The following FOXP1 variants were observed in gnomAD, a reference collection of about 807,000 sequenced individuals.
FOXP1 encodes the protein forkhead box P1, also known as forkhead box protein P1.
FOXP1 carries 15 observed loss-of-function variants against 98.2 expected under a neutral mutation model. That is an observed-to-expected ratio of 0.15 (90% CI 0.10 to 0.24). FOXP1 has a LOEUF of 0.24. FOXP1 is among the 10% of genes least tolerant of loss of function. FOXP1 has a pLI of 1.00. For synonymous variants in FOXP1, 371 were observed against 314.5 expected, an observed-to-expected ratio of 1.18 and a Z score of -1.90; for missense variants, 633 against 848.5, an observed-to-expected ratio of 0.75 and a Z score of 3.15.
chr3:70,973,232 C>CCTCCCG (rs1553663706), intron 17 of FOXP1, among the ~76,000 whole-genome samples: 1 of 143,244 alleles, frequency 7.0e-6, no homozygotes, highest in African/African-American at 2.7e-5. Flanking sequence ...GGTGAACGGA[C>CCTCCCG]CCCCCGCCCC....
At chr3:71,216,943 C>A (rs1020299668) in intron 5 of FOXP1, among the ~76,000 whole-genome samples, 8 of 152,088 alleles carry the variant, frequency 5.3e-5, no homozygotes, top group Non-Finnish European at 7.4e-5. Context: ...GGGATGCTGT[C>A]GGACATCCTA....
intron 7 of FOXP1, among the ~76,000 whole-genome samples, chr3:71,056,706 A>G (rs886618318): frequency 2.6e-5 from 4 of 152,220 alleles, no homozygotes; most frequent in African/African-American, 9.6e-5. Context: ...CAAATGTTAT[A>G]AAACCAAGAT....
intron 3 of FOXP1, among the ~76,000 whole-genome samples, chr3:71,437,920 C>T (rs1323115891): frequency 6.6e-5 from 10 of 152,050 alleles, no homozygotes; most frequent in South Asian, 4.1e-4. Context: ...GCTGTGTACA[C>T]GAAATTGAGT....
At chr3:70,972,056 G>C in intron 18 of FOXP1, 10 of 1,507,218 alleles carry the variant, frequency 6.6e-6, no homozygotes, top group Non-Finnish European at 8.8e-6. Context: ...GTATTTGCGA[G>C]GACGGCCTCG....
At chr3:71,523,386 T>C (rs1157813791) in intron 2 of FOXP1, among the ~76,000 whole-genome samples, 7 of 152,204 alleles carry the variant, frequency 4.6e-5, no homozygotes, top group African/African-American at 1.7e-4. Context: ...TCAGTGGGGA[T>C]GGGCCCCACT....
intron 7 of FOXP1, among the ~76,000 whole-genome samples, chr3:71,075,236 T>A (rs1239439108): frequency 6.6e-6 from 1 of 152,218 alleles, no homozygotes; most frequent in Non-Finnish European, 1.5e-5. Context: ...TTTCCTCATC[T>A]ATAAAAAAGA....
intron 3 of FOXP1, among the ~76,000 whole-genome samples, chr3:71,446,636 A>T (rs551159636): frequency 6.6e-6 from 1 of 152,368 alleles, no homozygotes; most frequent in South Asian, 2.1e-4. Flanking sequence ...GGTTCCTATG[A>T]AGTCATGTTC....
intron 2 of FOXP1, among the ~76,000 whole-genome samples, chr3:71,574,632 G>A (rs1559548568): frequency 1.3e-5 from 2 of 152,170 alleles, no homozygotes; most frequent in South Asian, 4.2e-4. Flanking sequence ...TGCCAGCAGG[G>A]TTAATCCAAA....
intron 6 of FOXP1, among the ~76,000 whole-genome samples, chr3:71,139,361 A>C (rs2059961244): frequency 6.6e-6 from 1 of 152,224 alleles, no homozygotes; most frequent in Non-Finnish European, 1.5e-5. Context: ...ATGAGAAGAT[A>C]GGAATGCAGC....
At chr3:71,262,789 T>G (rs2069284919) in intron 5 of FOXP1, among the ~76,000 whole-genome samples, 1 of 152,186 alleles carries the variant, frequency 6.6e-6, no homozygotes, top group Non-Finnish European at 1.5e-5. Flanking sequence ...ACTTGGGTGG[T>G]TACCCTAGTA....
At chr3:71,177,781 A>G (rs2108260875) in intron 6 of FOXP1, among the ~76,000 whole-genome samples, 1 of 146,722 alleles carries the variant, frequency 6.8e-6, no homozygotes, top group South Asian at 2.1e-4. Context: ...TGCTATTATT[A>G]TTACTTCTAC....
At chr3:71,190,638 C>CAAAAAAA (rs55747148) in intron 6 of FOXP1, among the ~76,000 whole-genome samples, 71 of 43,134 alleles carry the variant, frequency 1.6e-3, no homozygotes, top group African/African-American at 2.5e-3. Context: ...ACCCCATCTC[C>CAAAAAAA]AAAAAAAAAA....
chr3:71,248,813 T>G, intron 5 of FOXP1, among the ~76,000 whole-genome samples: 1 of 151,916 alleles, frequency 6.6e-6, no homozygotes. Flanking sequence ...CTCCTCATAG[T>G]TATGGTTCAG....
At chr3:71,153,309 G>A (rs1195199329) in intron 6 of FOXP1, among the ~76,000 whole-genome samples, 1 of 152,136 alleles carries the variant, frequency 6.6e-6, no homozygotes, top group Non-Finnish European at 1.5e-5. Flanking sequence ...TTACTAGAAT[G>A]CTGTCGCTGC....
rs546978800 is a variant in FOXP1 at position 71,265,695 on chromosome 3, G to A, written c.-12+34125C>T. Among the ~76,000 whole-genome samples the A allele has an allele frequency of 3.8e-4, 58 of 152,300 alleles. No individual in the cohort carries two copies. In the South Asian group the frequency reaches 4.6e-3, roughly 12 times the overall value. On this transcript the variant is annotated intron_variant, in intron 5 of 20. Transcript: ENST00000649528. ...GCTCTTGCCCTAGTAATGTACACAT[G>A]TTCACGGTGCAGTGATAATTTACAG...
intron 7 of FOXP1, 138 bp from the exon 8 acceptor site, chr3:71,053,911 T>C (rs924623185): frequency 2.3e-6 from 2 of 865,610 alleles, no homozygotes; most frequent in Non-Finnish European, 3.8e-6. Flanking sequence ...CCAGAGGGGA[T>C]GCAGCAACAG....
At chr3:71,453,336 T>C (rs1246609912) in intron 3 of FOXP1, among the ~76,000 whole-genome samples, 1 of 152,172 alleles carries the variant, frequency 6.6e-6, no homozygotes, top group Non-Finnish European at 1.5e-5. Flanking sequence ...CATTTCATAA[T>C]GTCTACTAGG....
chr3:71,134,217 A>G (rs1056376070), intron 6 of FOXP1, among the ~76,000 whole-genome samples: 2 of 152,228 alleles, frequency 1.3e-5, no homozygotes, highest in African/African-American at 4.8e-5. Flanking sequence ...CCGTTAGAGC[A>G]GCCAAAATAA....
intron 6 of FOXP1, among the ~76,000 whole-genome samples, chr3:71,122,406 C>A (rs1282210677): frequency 6.6e-6 from 1 of 152,140 alleles, no homozygotes; most frequent in Non-Finnish European, 1.5e-5. Flanking sequence ...GAACTACTCA[C>A]TACTGGCCAA....
Sources: allele counts gnomAD v4.1 joint callset (sites outside exome capture counted in the v4.1 genomes callset), GRCh38; gene constraint gnomAD v4.1.1; transcripts MANE v1.5; gene names NCBI Gene and HGNC (gene_info 2026-07-23, HGNC 2026-07-21).